The following VAV3 variants were observed in gnomAD, a reference collection of about 807,000 sequenced individuals.
VAV3 encodes vav guanine nucleotide exchange factor 3.
VAV3 carries 94 observed loss-of-function variants against 131.2 expected under a neutral mutation model. The ratio of observed to expected loss-of-function variants is 0.72; its 90% confidence interval spans 0.61 to 0.85. VAV3 has a LOEUF of 0.85. Ranked by LOEUF, VAV3 falls within the 40% of genes least tolerant of loss-of-function variation. The pLI, the probability that VAV3 is intolerant of heterozygous loss-of-function variation, is 0.00. For synonymous variants in VAV3, 349 were observed against 342.0 expected (o/e 1.02, Z -0.22); for missense variants, 939 against 1,002.7 (o/e 0.94, Z 0.86).
At chr1:107,883,518 T>C (rs1418523359) in intron 1 of VAV3, among the ~76,000 whole-genome samples, 4 of 152,232 alleles carry the variant, frequency 2.6e-5, no homozygotes, top group Non-Finnish European at 4.4e-5. Context: ...CATTAAATTG[T>C]CATCATATCT....
intron 17 of VAV3, among the ~76,000 whole-genome samples, chr1:107,703,944 A>G (rs938174664): frequency 6.6e-6 from 1 of 152,230 alleles, no homozygotes; most frequent in Non-Finnish European, 1.5e-5. Context: ...TACTGAATGC[A>G]TAACTGCCAG....
chr1:107,881,222 G>A (rs1027348733), intron 1 of VAV3, among the ~76,000 whole-genome samples: 2 of 152,146 alleles, frequency 1.3e-5, no homozygotes, highest in Non-Finnish European at 2.9e-5. Context: ...AAGAAATAAT[G>A]GGATTTAGAC....
intron 17 of VAV3, among the ~76,000 whole-genome samples, chr1:107,692,710 C>G (rs1455776791): frequency 6.6e-6 from 1 of 152,138 alleles, no homozygotes; most frequent in East Asian, 1.9e-4. Flanking sequence ...AACGTCCTTC[C>G]AATTAGGAGT....
At chr1:107,681,343 T>C (rs1658594584) in intron 19 of VAV3, among the ~76,000 whole-genome samples, 1 of 147,914 alleles carries the variant, frequency 6.8e-6, no homozygotes, top group South Asian at 2.1e-4. Flanking sequence ...TGATCCCTTG[T>C]TTAAACATTT....
Position 107,705,113 on chromosome 1 carries a change from C to A in VAV3, c.1503-52G>T, listed in dbSNP as rs372087945. ...TATAGAAAGTTTCACAACAAAGCTG[C>A]AATTTAGTCATCTAAACCCTAAATT... On this transcript the variant is annotated intron_variant, in intron 15 of 26. Coordinates refer to ENST00000370056, the MANE Select transcript of VAV3 (RefSeq NM_006113.5). 3.6e-6 allele frequency: 5 copies of A among 1,390,758 alleles called. 1 individual carries two copies. In the South Asian group the frequency reaches 6.1e-5, roughly 17 times the overall value. 86.2% of individuals were successfully genotyped at this position (1,390,758 alleles called of 1,614,324 possible).
At chr1:107,800,069 C>T (rs1028360435) in intron 2 of VAV3, among the ~76,000 whole-genome samples, 19 of 152,182 alleles carry the variant, frequency 1.2e-4, no homozygotes, top group African/African-American at 4.6e-4. Context: ...ACATATATCA[C>T]ATTTTCATTA....
chr1:107,722,691 T>C (rs935248824), intron 15 of VAV3, among the ~76,000 whole-genome samples: 8 of 152,118 alleles, frequency 5.3e-5, no homozygotes, highest in Non-Finnish European at 1.0e-4. Context: ...TTCCAAGCCA[T>C]GGCATGAGGT....
intron 17 of VAV3, among the ~76,000 whole-genome samples, chr1:107,700,340 T>A (rs1660026474): frequency 6.6e-6 from 1 of 152,252 alleles, no homozygotes. Flanking sequence ...GTGCAGGATG[T>A]GCAGGTTTGT....
At chr1:107,945,882 G>A (rs1483720436) in intron 1 of VAV3, among the ~76,000 whole-genome samples, 1 of 150,440 alleles carries the variant, frequency 6.6e-6, no homozygotes, top group Admixed American at 6.6e-5. Context: ...TATTTAAAAG[G>A]ATAAGATGTA....
chr1:107,576,281 G>T, intron 25 of VAV3: 1 of 854,472 alleles, frequency 1.2e-6, no homozygotes, highest in Non-Finnish European at 1.7e-6. Context: ...GGAACTCGAG[G>T]GATTGTCTGT....
At chr1:107,744,320 A>T (rs111285946) in intron 15 of VAV3, among the ~76,000 whole-genome samples, 14 of 152,330 alleles carry the variant, frequency 9.2e-5, no homozygotes, top group African/African-American at 3.1e-4. Context: ...CCAGGCACTT[A>T]TTACACAGTC....
At chr1:107,885,930 A>G (rs571517991) in intron 1 of VAV3, among the ~76,000 whole-genome samples, 2 of 152,196 alleles carry the variant, frequency 1.3e-5, no homozygotes, top group Non-Finnish European at 2.9e-5. Context: ...AAACACATGA[A>G]CAGGACATGT....
intron 1 of VAV3, among the ~76,000 whole-genome samples, chr1:107,880,471 C>T (rs146675205): frequency 3.2e-4 from 48 of 152,130 alleles, no homozygotes; most frequent in Middle Eastern, 3.4e-3. Context: ...TTGGCTTTGT[C>T]CTAGAAGTGA....
At chr1:107,739,174 C>T (rs1017370073) in intron 15 of VAV3, among the ~76,000 whole-genome samples, 16 of 152,320 alleles carry the variant, frequency 1.1e-4, no homozygotes, top group Middle Eastern at 3.4e-3. Context: ...CAAGAAGTAT[C>T]AAATACATAT....
rs535969346 is a variant in VAV3, at chr1:107,620,447, G to A, written c.1915-2815C>T. On this transcript the variant is annotated intron_variant, in intron 20 of 26. Coordinates refer to ENST00000370056, the MANE Select transcript of VAV3 (RefSeq NM_006113.5). ...ATTCAGTGCAGTAACATGCGATACA[G>A]GTTTGTAGCCTGGCAGCAAGAGGCT... Among the ~76,000 whole-genome samples, 3 of 152,218 alleles carry A rather than the reference G, an allele frequency of 2.0e-5. No homozygotes were observed. The East Asian group carries it at 5.8e-4, about 29-fold the overall frequency.
chr1:107,899,605 A>G (rs1047301950), intron 1 of VAV3, among the ~76,000 whole-genome samples: 1 of 152,202 alleles, frequency 6.6e-6, no homozygotes, highest in African/African-American at 2.4e-5. Flanking sequence ...GAATGAATTC[A>G]TTGGAATTTT....
chr1:107,861,282 A>C (rs1401950685), intron 2 of VAV3, among the ~76,000 whole-genome samples: 1 of 151,644 alleles, frequency 6.6e-6, no homozygotes, highest in African/African-American at 2.4e-5. Flanking sequence ...ATACTTCAAC[A>C]ATTTTTTTGT....
At chr1:107,704,898 C>T in intron 16 of VAV3, 62 bp downstream of exon 16, 1 of 1,509,240 alleles carries the variant, frequency 6.6e-7, no homozygotes. Flanking sequence ...TTAGAAAAGT[C>T]TGAAACACTT....
At chr1:107,578,143 T>A (rs1649781730) in intron 25 of VAV3, among the ~76,000 whole-genome samples, 1 of 151,924 alleles carries the variant, frequency 6.6e-6, no homozygotes, top group South Asian at 2.1e-4. Flanking sequence ...TTGGAGGGAG[T>A]TTAGTTATTC....
Sources: gnomAD v4.1 joint callset for allele counts (sites outside exome capture counted in the v4.1 genomes callset) on GRCh38, gnomAD v4.1.1 for gene constraint, MANE v1.5 for transcripts, NCBI Gene and HGNC (gene_info 2026-07-23, HGNC 2026-07-21) for gene names.